The following MACF1 variants were observed in gnomAD, a reference collection of about 807,000 sequenced individuals.
MACF1 encodes the protein microtubule-actin cross-linking factor 1.
In MACF1, 193 loss-of-function variants were observed where a neutral mutation model predicts 854.8. That is an observed-to-expected ratio of 0.23 (90% CI 0.20 to 0.25). The LOEUF (loss-of-function observed/expected upper bound fraction) is 0.25, where lower values mean the gene tolerates loss of function less well. Ranked by LOEUF, MACF1 falls within the 10% of genes least tolerant of loss-of-function variation. The probability of loss-of-function intolerance (pLI) is 1.00; values close to 1 mark genes in which losing one functional copy is unlikely to be tolerated. For missense variants in MACF1, 7,722 were observed against 8,929.1 expected (o/e 0.86, Z 5.45); for synonymous variants, 3,185 against 3,226.7 (o/e 0.99, Z 0.44).
intron 2 of MACF1, among the ~76,000 whole-genome samples, chr1:39,109,364 G>A (rs1642334150): frequency 6.6e-6 from 1 of 152,156 alleles, no homozygotes; most frequent in South Asian, 2.1e-4. Context: ...CTGCCTCCCA[G>A]GTTCAAGCAA....
At chr1:39,444,581 C>A in intron 79 of MACF1, 81 bp from the exon 80 acceptor site, 1 of 1,307,768 alleles carries the variant, frequency 7.6e-7, no homozygotes, top group East Asian at 2.4e-5. Context: ...CTGGACTTTC[C>A]CAGACTCTGC....
At chr1:39,326,388 G>A (rs1646610306) in intron 35 of MACF1, among the ~76,000 whole-genome samples, 1 of 152,148 alleles carries the variant, frequency 6.6e-6, no homozygotes, top group Non-Finnish European at 1.5e-5. Flanking sequence ...TTCTAAGAAA[G>A]GGTCTAAAGC....
At position 39,468,742 on chromosome 1, in the gene MACF1, C is replaced by T; in HGVS notation, c.21889+10C>T. 6.2e-7 allele frequency: 1 copy of T among 1,606,450 alleles called. No individual in the cohort carries two copies. Among genetic ancestry groups the T allele is most frequent in the Non-Finnish European group, 8.5e-7 (1 of 1,172,984 alleles). On this transcript the variant is annotated intron_variant, in intron 96 of 100. Transcript: ENST00000564288. ...AATGATCCCTGCCGAGGTAAGGAAC[C>T]ATTCTAAGCATGAATTACGTGTTAG...
chr1:39,348,414 C>T (rs1441067347), intron 41 of MACF1, among the ~76,000 whole-genome samples: 4 of 152,176 alleles, frequency 2.6e-5, no homozygotes, highest in Admixed American at 1.3e-4. Flanking sequence ...TTCCACAATG[C>T]TTATTAACCT....
intron 25 of MACF1, among the ~76,000 whole-genome samples, 196 bp from the exon 26 acceptor site, chr1:39,310,635 C>A (rs769674302): frequency 6.6e-6 from 1 of 152,230 alleles, no homozygotes; most frequent in Non-Finnish European, 1.5e-5. Flanking sequence ...CATTACTGCT[C>A]ATCAACCTAT....
chr1:39,340,775 C>T (rs1646919279), intron 39 of MACF1, 29 bp from the exon 40 acceptor site: 1 of 1,611,700 alleles, frequency 6.2e-7, no homozygotes, highest in Admixed American at 1.7e-5. Flanking sequence ...GGGAGATTTT[C>T]ATAATGTGAT....
chr1:39,381,248 G>A (rs1650166984), intron 55 of MACF1, among the ~76,000 whole-genome samples: 1 of 151,668 alleles, frequency 6.6e-6, no homozygotes, highest in Non-Finnish European at 1.5e-5. Flanking sequence ...GTAGAGAGGG[G>A]GTTTCTCCAT....
chr1:39,232,759 T>TTTTG (rs1644796757), intron 2 of MACF1, among the ~76,000 whole-genome samples: 1 of 115,516 alleles, frequency 8.7e-6, no homozygotes, highest in Admixed American at 8.9e-5. Flanking sequence ...TTTTTTTTTT[T>TTTTG]TTTTTTTTTG....
intron 14 of MACF1, 129 bp from the exon 15 acceptor site, chr1:39,287,157 C>T (rs1048653253): frequency 1.0e-5 from 10 of 988,616 alleles, no homozygotes; most frequent in Non-Finnish European, 1.5e-5. Context: ...GACGGGGTTT[C>T]ACCATGTTGT....
At chr1:39,228,704 A>C (rs986562242) in intron 1 of MACF1, among the ~76,000 whole-genome samples, 7 of 152,214 alleles carry the variant, frequency 4.6e-5, no homozygotes, top group Admixed American at 4.6e-4. Flanking sequence ...GCCAGGCTGG[A>C]GTGCAATGGC....
At chr1:39,361,214 A>G (rs1648159322) in intron 48 of MACF1, 146 bp from the exon 49 acceptor site, 3 of 857,594 alleles carry the variant, frequency 3.5e-6, no homozygotes, top group Non-Finnish European at 5.4e-6. Context: ...GGGGTGGAGA[A>G]CTAAGGTGAT....
At chr1:39,410,205 T>G (rs779034460) in intron 58 of MACF1, 8 of 1,275,692 alleles carry the variant, frequency 6.3e-6, no homozygotes, top group Non-Finnish European at 8.7e-6. Flanking sequence ...TAGAATGCAT[T>G]TGGGGGGAAC....
chr1:39,436,861 A>G (rs935427555), intron 70 of MACF1, among the ~76,000 whole-genome samples: 7 of 152,236 alleles, frequency 4.6e-5, no homozygotes, highest in African/African-American at 7.2e-5. Context: ...AGTAACAGAA[A>G]AGTGGGAAGG....
At chr1:39,136,797 AAG>A (rs890283445) in intron 2 of MACF1, among the ~76,000 whole-genome samples, 19 of 152,328 alleles carry the variant, frequency 1.2e-4, no homozygotes, top group Non-Finnish European at 2.1e-4. Context: ...AATTTTAAAA[AAG>A]AATCTATTTT....
At chr1:39,414,145 GCCTCCCCAGCAGCAGCAGTGCCCA>G in intron 58 of MACF1, 2 of 1,607,796 alleles carry the variant, frequency 1.2e-6, no homozygotes, top group Non-Finnish European at 1.7e-6. Context: ...AGAGGAGCCC[GCCTCCCCAGCAGCAGCAGTGCCCA>G]CCCCAGAGGT....
At chr1:39,112,202 T>A (rs1482775743) in intron 2 of MACF1, among the ~76,000 whole-genome samples, 1 of 151,322 alleles carries the variant, frequency 6.6e-6, no homozygotes, top group African/African-American at 2.4e-5. Flanking sequence ...TTCTCCTGCC[T>A]CAGCCTCCTG....
chr1:39,258,349 A>G (rs1160329903), intron 6 of MACF1, among the ~76,000 whole-genome samples: 1 of 152,214 alleles, frequency 6.6e-6, no homozygotes, highest in African/African-American at 2.4e-5. Flanking sequence ...GACTCAGAAT[A>G]TGAGGGTTGA....
intron 56 of MACF1, among the ~76,000 whole-genome samples, chr1:39,383,876 CA>C (rs1035247076): frequency 4.5e-4 from 63 of 139,522 alleles, no homozygotes; most frequent in African/African-American, 6.0e-4. Context: ...GAATCCGTCT[CA>C]AAAAAAAAAA....
Position 39,336,104 on chromosome 1 carries a change from A to G in MACF1, c.9516A>G (p.Ser3172=), listed in dbSNP as rs1210962133. ...CATCTAATGAATGTAAAGAAAAGTC[A>G]TACCAAGAAGTATCTTTTGACCCAG... ...ISSSNECKEK[S]YQEVSFDPAR... The change falls in exon 37 of 101, where the codon TCA becomes TCG. Residue 3172 remains serine (S), a synonymous_variant. Transcript: ENST00000564288. 1.2e-6 allele frequency: 2 copies of G among 1,614,016 alleles called. No individual in the cohort carries two copies. The highest frequency in any genetic ancestry group is 1.7e-6 in the Non-Finnish European group (2 of 1,180,014).
Sources: gnomAD v4.1 joint callset for allele counts (sites outside exome capture counted in the v4.1 genomes callset) on GRCh38, gnomAD v4.1.1 for gene constraint, MANE v1.5 for transcripts, NCBI Gene and HGNC (gene_info 2026-07-23, HGNC 2026-07-21) for gene names.